The following NOTCH2NLR variants were observed in gnomAD, a reference collection of about 807,000 sequenced individuals.
NOTCH2NLR encodes the protein notch 2 N-terminal like R, also known as notch 2 N-terminal like R (pseudogene).
NOTCH2NLR carries 33 observed loss-of-function variants against 35.6 expected under a neutral mutation model. That is an observed-to-expected ratio of 0.93 (90% CI 0.70 to 1.24). The LOEUF is 1.24. Among genes scored for constraint, NOTCH2NLR ranks in the 50% most tolerant of loss-of-function variants. The pLI is 0.00. For missense variants in NOTCH2NLR, 276 were observed against 362.2 expected (o/e 0.76, Z 1.93); for synonymous variants, 103 against 141.0 (o/e 0.73, Z 1.91).
rs1278850444 is a variant in NOTCH2NLR, at chr1:120,726,877, C to T, written c.73+2627C>T. Among the ~76,000 whole-genome samples the T allele has an allele frequency of 1.7e-5, 2 of 114,480 alleles. 1 individual carries two copies. Among genetic ancestry groups the T allele is most frequent in the Admixed American group, 1.7e-4 (2 of 11,962 alleles). The allele number at this position is 114,480 out of a possible 152,430, so 75.1% of individuals were successfully genotyped here. A position where few individuals can be genotyped will look rare whatever the true frequency, so the allele number is the denominator to read the frequency against. On this transcript the variant is annotated intron_variant, in intron 1 of 4. Coordinates refer to ENST00000624419, the Ensembl canonical transcript of NOTCH2NLR. Reference sequence around the variant, plus strand: ...ATCTCTCTGCTCCATTCCCACCCTACTGCCTCTCCTGTAGGCTTCTATGAC... The same window carrying T: ...ATCTCTCTGCTCCATTCCCACCCTATTGCCTCTCCTGTAGGCTTCTATGAC...
chr1:120,727,959 C>A (rs1256813799), intron 1 of NOTCH2NLR, among the ~76,000 whole-genome samples: 1 of 118,990 alleles, frequency 8.4e-6, no homozygotes, highest in African/African-American at 4.7e-5. Flanking sequence ...GGTTTGGTGA[C>A]CTTGTAGGAG....
At position 120,784,736 on chromosome 1, in the gene NOTCH2NLR, GA is replaced by G. The variant is rs1651402432; in HGVS notation, c.156-236del. On this transcript the variant is annotated intron_variant, in intron 2 of 4. Transcript: ENST00000624419. Reference sequence around the variant, plus strand: ...ATTTTGTTTTCGTCTTCAGCTATTAGAATGTAAACTCCAAGAGTGTAAGAAT... The same window carrying G: ...ATTTTGTTTTCGTCTTCAGCTATTAGATGTAAACTCCAAGAGTGTAAGAAT... Among the ~76,000 whole-genome samples the G allele has an allele frequency of 2.5e-5, 3 of 117,734 alleles. 1 individual carries two copies. The highest frequency in any genetic ancestry group is 9.9e-5 in the African/African-American group (2 of 20,160). 77.2% of individuals were successfully genotyped at this position (117,734 alleles called of 152,430 possible).
In NOTCH2NLR at chr1:120,790,985, AAT is replaced by A. The variant is rs1408757128; in HGVS notation, c.416-2174_416-2173del. ...GCATTTATATCTCTTCTCCACTGTA[AAT>A]AAGTGCCTCTTAGTGACATGAGTGG... is the stretch of plus-strand genomic sequence containing the variant. On this transcript the variant is annotated intron_variant, in intron 3 of 4. Coordinates refer to ENST00000624419, the Ensembl canonical transcript of NOTCH2NLR. 6.4e-5 allele frequency among the ~76,000 whole-genome samples: 5 copies of A among 77,978 alleles called. No homozygotes were observed. In the Admixed American group the frequency reaches 6.6e-4, roughly 10 times the overall value. 51.2% of individuals were successfully genotyped at this position (77,978 alleles called of 152,430 possible).
At chr1:120,745,862 C>A in intron 1 of NOTCH2NLR, among the ~76,000 whole-genome samples, 1 of 65,780 alleles carries the variant, frequency 1.5e-5, no homozygotes, top group Non-Finnish European at 2.7e-5. Flanking sequence ...TTCAAGAGCA[C>A]AAAAATAGTC....
chr1:120,728,851 C>T (rs1650844900), intron 1 of NOTCH2NLR, among the ~76,000 whole-genome samples: 1 of 110,056 alleles, frequency 9.1e-6, no homozygotes, highest in Non-Finnish European at 1.7e-5. Flanking sequence ...CCTGAACACC[C>T]TACTGACAAA....
chr1:120,779,987 C>T lies in NOTCH2NLR; in HGVS notation c.156-4987C>T, dbSNP rs1244663332. ...CTGGGGTGTGAAGGATAATTCTGTA[C>T]CTCAGGATGACTATTAGGTTGATTT... On this transcript the variant is annotated intron_variant, in intron 2 of 4. Transcript: ENST00000624419. Among the ~76,000 whole-genome samples, 191 of 131,732 alleles carry T rather than the reference C, an allele frequency of 1.4e-3. 5 individuals are homozygous for T. The highest frequency in any genetic ancestry group is 0.012 in the Admixed American group (164 of 13,232). 86.4% of individuals were successfully genotyped at this position (131,732 alleles called of 152,430 possible).
At position 120,790,799 on chromosome 1, in the gene NOTCH2NLR, C is replaced by A. The variant is rs1651484652; in HGVS notation, c.416-2362C>A. Among the ~76,000 whole-genome samples, 4 of 105,388 alleles carry A rather than the reference C, an allele frequency of 3.8e-5. 2 individuals are homozygous for A. The South Asian group carries it at 1.1e-3, about 29-fold the overall frequency. 69.1% of individuals were successfully genotyped at this position (105,388 alleles called of 152,430 possible). On this transcript the variant is annotated intron_variant, in intron 3 of 4. Coordinates refer to ENST00000624419, the Ensembl canonical transcript of NOTCH2NLR. ...ATTTTTAGAAAAGATGGCGTTTCAC[C>A]ATGTTGGCCAGGCTGGTCTCAAACT...
intron 2 of NOTCH2NLR, among the ~76,000 whole-genome samples, chr1:120,780,075 A>G (rs1328550836): frequency 7.8e-6 from 1 of 128,434 alleles, no homozygotes; most frequent in Non-Finnish European, 1.6e-5. Flanking sequence ...ATTTGGATTG[A>G]GAGACTGACT....
Position 120,784,276 on chromosome 1 carries a change from A to T in NOTCH2NLR, c.156-698A>T, listed in dbSNP as rs1460901803. Reference sequence around the variant, plus strand: ...ATATATGGTTCTGTACACCGGCTTTAGGAGAGTAAGTCTGTTGTACCTCAT... The same window carrying T: ...ATATATGGTTCTGTACACCGGCTTTTGGAGAGTAAGTCTGTTGTACCTCAT... On this transcript the variant is annotated intron_variant, in intron 2 of 4. Transcript: ENST00000624419. Among the ~76,000 whole-genome samples the T allele has an allele frequency of 1.7e-5, 2 of 118,424 alleles. 1 individual carries two copies. The highest frequency in any genetic ancestry group is 3.3e-5 in the Non-Finnish European group (2 of 61,500). 77.7% of individuals were successfully genotyped at this position (118,424 alleles called of 152,430 possible).
At position 120,792,520 on chromosome 1, in the gene NOTCH2NLR, G is replaced by T. The variant is rs1352053699; in HGVS notation, c.416-641G>T. ...AAGGGAAGTTGATTTTTTTTTTTTT[G>T]AAATAGAGTCTTGCTGTGTCGCCCA... On this transcript the variant is annotated intron_variant, in intron 3 of 4. Coordinates refer to ENST00000624419, the Ensembl canonical transcript of NOTCH2NLR. 1.5e-4 allele frequency among the ~76,000 whole-genome samples: 17 copies of T among 109,824 alleles called. 2 individuals are homozygous for T. Among genetic ancestry groups the T allele is most frequent in the Admixed American group, 9.6e-4 (11 of 11,428 alleles). The allele number at this position is 109,824 out of a possible 152,430, so 72.0% of individuals were successfully genotyped here.
rs1447141919 is a variant in NOTCH2NLR, at chr1:120,724,563, G to A, written c.73+313G>A. Among the ~76,000 whole-genome samples the A allele has an allele frequency of 2.6e-5, 3 of 116,038 alleles. 1 individual carries two copies. The highest frequency in any genetic ancestry group is 5.1e-5 in the Non-Finnish European group (3 of 59,330). 76.1% of individuals were successfully genotyped at this position (116,038 alleles called of 152,430 possible). ...CGTAGTGCCAGGGTGCAGGGAGGTG[G>A]GCAGTTTTGCCCTTCAGGTTCCGCG... On this transcript the variant is annotated intron_variant, in intron 1 of 4. Transcript: ENST00000624419.
intron 1 of NOTCH2NLR, among the ~76,000 whole-genome samples, chr1:120,752,639 T>C (rs1407985252): frequency 0.49 from 10,594 of 21,812 alleles, 3,239 homozygotes; most frequent in African/African-American, 0.53. Flanking sequence ...GGCACAATCT[T>C]GGCTCATTGC....
Position 120,753,282 on chromosome 1 carries a change from GA to G in NOTCH2NLR, c.74-10344del, listed in dbSNP as rs1651046371. ...GATGTGTACTGGAATTTGGGTACAG[GA>G]ATACTATTCACAGGTGAACAGAGTT... On this transcript the variant is annotated intron_variant, in intron 1 of 4. Transcript: ENST00000624419. Among the ~76,000 whole-genome samples, 5 of 112,534 alleles carry G rather than the reference GA, an allele frequency of 4.4e-5. 1 individual carries two copies. In the South Asian group the frequency reaches 1.1e-3, roughly 24 times the overall value. The allele number at this position is 112,534 out of a possible 152,430, so 73.8% of individuals were successfully genotyped here. A position where few individuals can be genotyped will look rare whatever the true frequency, so the allele number is the denominator to read the frequency against.
intron 1 of NOTCH2NLR, among the ~76,000 whole-genome samples, chr1:120,755,944 T>G (rs1317831568): frequency 9.4e-6 from 1 of 106,354 alleles, no homozygotes; most frequent in African/African-American, 5.9e-5. Flanking sequence ...TTTTTTTTTT[T>G]TTTTTTTTTT....
Position 120,785,061 on chromosome 1 carries a change from C to T in NOTCH2NLR, c.243C>T (p.Ala81=). The change falls in exon 3 of 5, where the codon GCC becomes GCT. Residue 81 remains alanine, a synonymous_variant. Coordinates refer to ENST00000624419, the Ensembl canonical transcript of NOTCH2NLR. ...GCCAGAATGGTGGGACTTGTGTGGC[C>T]CAGGCCATGCTGGGGAAAGCCACGT... 2.1e-6 allele frequency: 3 copies of T among 1,445,724 alleles called. 1 individual carries two copies. Among genetic ancestry groups the T allele is most frequent in the Non-Finnish European group, 2.8e-6 (3 of 1,082,036 alleles). The allele number at this position is 1,445,724 out of a possible 1,614,324, so 89.6% of individuals were successfully genotyped here.
Position 120,754,282 on chromosome 1 carries a change from G to A in NOTCH2NLR, c.74-9346G>A, listed in dbSNP as rs1176805984. On this transcript the variant is annotated intron_variant, in intron 1 of 4. Transcript: ENST00000624419. ...ACAGGCAAAATTTGTCTTGATAATC[G>A]TACAAATACAGATAGTGGAACAGAA... Among the ~76,000 whole-genome samples the A allele has an allele frequency of 3.1e-4, 11 of 35,488 alleles. 3 individuals are homozygous for A. The highest frequency in any genetic ancestry group is 5.3e-4 in the Non-Finnish European group (11 of 20,876). 23.3% of individuals were successfully genotyped at this position (35,488 alleles called of 152,430 possible).
Position 120,724,032 on chromosome 1 carries a change from G to C in NOTCH2NLR, c.-146G>C, listed in dbSNP as rs1383484062. ...GTCGAGGCATTTGCACCTGGGCTTC[G>C]GAGCGTAGCGCCAGGGCCTGAGCCT... is the stretch of plus-strand genomic sequence containing the variant. On this transcript the variant is annotated 5_prime_UTR_variant, in exon 1 of 5. Coordinates refer to ENST00000624419, the Ensembl canonical transcript of NOTCH2NLR. 3,580 of 1,248,466 alleles carry C rather than the reference G, an allele frequency of 2.9e-3. 743 individuals are homozygous for C. The South Asian group carries it at 0.046, about 16-fold the overall frequency. 77.3% of individuals were successfully genotyped at this position (1,248,466 alleles called of 1,614,324 possible).
At position 120,783,965 on chromosome 1, in the gene NOTCH2NLR, C is replaced by T. The variant is rs1651394267; in HGVS notation, c.156-1009C>T. 5.5e-5 allele frequency among the ~76,000 whole-genome samples: 6 copies of T among 109,134 alleles called. 3 individuals carry two copies. The South Asian group carries it at 1.7e-3, about 30-fold the overall frequency. The allele number at this position is 109,134 out of a possible 152,430, so 71.6% of individuals were successfully genotyped here. A position where few individuals can be genotyped will look rare whatever the true frequency, so the allele number is the denominator to read the frequency against. On this transcript the variant is annotated intron_variant, in intron 2 of 4. Coordinates refer to ENST00000624419, the Ensembl canonical transcript of NOTCH2NLR. ...GAGGAAAGTCATTGTTTTTAGAAAA[C>T]AGTTTCTAAGCAATAATTAGAATTA... is the stretch of plus-strand genomic sequence containing the variant.
chr1:120,784,129 A>ACCTCTTTT (rs1651396013), intron 2 of NOTCH2NLR, among the ~76,000 whole-genome samples: 2 of 118,266 alleles, frequency 1.7e-5, no homozygotes, highest in Non-Finnish European at 3.3e-5. Context: ...GTGTGGGTTA[A>ACCTCTTTT]AAGAGACTTG....
Sources: allele counts gnomAD v4.1 joint callset (sites outside exome capture counted in the v4.1 genomes callset), GRCh38; gene constraint gnomAD v4.1.1; transcripts MANE v1.5; gene names NCBI Gene and HGNC (gene_info 2026-07-23, HGNC 2026-07-21).